Variants in LINGO1 observed in about 807,000 individuals in gnomAD.
The protein encoded by LINGO1 is leucine rich repeat and Ig domain containing 1.
LINGO1 carries 11 observed loss-of-function variants against 37.3 expected under a neutral mutation model. The observed-to-expected ratio is 0.29, with a 90% confidence interval of 0.19 to 0.49. LINGO1 has a LOEUF of 0.49. LINGO1 is among the 20% of genes least tolerant of loss of function. The pLI is 0.99. For synonymous variants in LINGO1, 387 were observed against 403.0 expected (o/e 0.96, Z 0.48); for missense variants, 585 against 878.2 (o/e 0.67, Z 4.22).
chr15:77,629,907 C>G (rs545960641), intron 1 of LINGO1, among the ~76,000 whole-genome samples: 19 of 152,012 alleles, frequency 1.2e-4, no homozygotes, highest in African/African-American at 3.6e-4. Context: ...TGACTTGAAG[C>G]AGGCAGAGAG....
chr15:77,628,926 C>T (rs1178721413), intron 1 of LINGO1, among the ~76,000 whole-genome samples: 1 of 152,204 alleles, frequency 6.6e-6, no homozygotes, highest in Non-Finnish European at 1.5e-5. Flanking sequence ...AGATCATGAG[C>T]ATATCACTGA....
At chr15:77,728,059 A>G (rs1020077857) in intron 2 of LINGO1, among the ~76,000 whole-genome samples, 11 of 152,340 alleles carry the variant, frequency 7.2e-5, no homozygotes, top group African/African-American at 2.6e-4. Flanking sequence ...CCCTCTTACC[A>G]GGCCTCTTCA....
At chr15:77,794,744 C>T (rs993407607) in intron 2 of LINGO1, among the ~76,000 whole-genome samples, 2 of 151,658 alleles carry the variant, frequency 1.3e-5, no homozygotes, top group Non-Finnish European at 2.9e-5. Context: ...CCCGCCACCA[C>T]GCCCTGCTAA....
intron 1 of LINGO1, among the ~76,000 whole-genome samples, chr15:77,751,786 C>T (rs1310983099): frequency 6.6e-6 from 1 of 152,230 alleles, no homozygotes; most frequent in Non-Finnish European, 1.5e-5. Flanking sequence ...TCTCACCCTT[C>T]TACGGGCTCA....
chr15:77,777,351 A>T (rs2076667618), intron 1 of LINGO1, among the ~76,000 whole-genome samples: 1 of 139,592 alleles, frequency 7.2e-6, no homozygotes, highest in African/African-American at 2.6e-5. Context: ...ATACACACAC[A>T]CACACACGCA....
In LINGO1 at chr15:77,615,851, A is replaced by G; in HGVS notation, c.56T>C (p.Leu19Pro). ...GAGGATGGGCTGCCAGCAGGCCAGG[A>G]GGGGGCTGGGCATGCTCCTCACGCC... ...AGGVRSMPSP[L>P]LACWQPILLL... The change falls in exon 2 of 2, where the codon CTC (leucine) becomes CCC (proline). Residue 19 changes from leucine (L) to proline (P), a missense_variant. Transcript: ENST00000355300. The G allele has an allele frequency of 6.7e-7, 1 of 1,497,516 alleles. No individual in the cohort carries two copies. Among genetic ancestry groups the G allele is most frequent in the Non-Finnish European group, 8.8e-7 (1 of 1,130,326 alleles). The allele number at this position is 1,497,516 out of a possible 1,614,324, so 92.8% of individuals were successfully genotyped here. A position where few individuals can be genotyped will look rare whatever the true frequency, so the allele number is the denominator to read the frequency against.
intron 2 of LINGO1, among the ~76,000 whole-genome samples, chr15:77,794,590 A>ATTT (rs370121489): frequency 3.2e-5 from 3 of 93,504 alleles, no homozygotes; most frequent in East Asian, 3.0e-4. Context: ...ATATATATAT[A>ATTT]TTTTTTTTTT....
chr15:77,711,985 T>C (rs1243064605), intron 2 of LINGO1, among the ~76,000 whole-genome samples: 1 of 152,146 alleles, frequency 6.6e-6, no homozygotes, highest in Non-Finnish European at 1.5e-5. Context: ...CAGGTCCAGA[T>C]TCCTCCCATC....
chr15:77,754,814 A>C (rs1374694620), intron 1 of LINGO1, among the ~76,000 whole-genome samples: 3 of 152,246 alleles, frequency 2.0e-5, no homozygotes, highest in African/African-American at 4.8e-5. Flanking sequence ...TCCGGTAGGC[A>C]GAAGATGGCC....
chr15:77,776,467 AGGAAGGCAGGAAG>A (rs2076644277), intron 1 of LINGO1, among the ~76,000 whole-genome samples: 1 of 134,516 alleles, frequency 7.4e-6, no homozygotes, highest in African/African-American at 3.0e-5. Context: ...GCAGGAAGGC[AGGAAGGCAGGAAG>A]GCAGGAAAGC....
chr15:77,739,695 C>T (rs560731327), intron 1 of LINGO1, among the ~76,000 whole-genome samples: 4 of 152,348 alleles, frequency 2.6e-5, no homozygotes, highest in Middle Eastern at 3.4e-3. Flanking sequence ...TTGGCTCAGT[C>T]CACCTGTTCT....
intron 1 of LINGO1, among the ~76,000 whole-genome samples, chr15:77,627,937 C>T (rs542827060): frequency 1.4e-4 from 21 of 152,320 alleles, no homozygotes; most frequent in African/African-American, 4.6e-4. Flanking sequence ...ACACTGGCTG[C>T]TGCCCATCTC....
intron 1 of LINGO1, among the ~76,000 whole-genome samples, chr15:77,622,582 A>C (rs547924361): frequency 6.6e-6 from 1 of 152,342 alleles, no homozygotes; most frequent in African/African-American, 2.4e-5. Context: ...CCTCTCCCCA[A>C]GTCCCTGCCT....
rs1386445937 is a variant in LINGO1 at position 77,704,411 on chromosome 15, A to G, written c.-194-13510T>C. ...CGACCCTGATCACAGATTGAACCCC[A>G]ACCCTGGCCACACACTGAATCCCGA... On this transcript the variant is annotated intron_variant, in intron 2 of 3. Transcript: ENST00000561686. 3.5e-4 allele frequency among the ~76,000 whole-genome samples: 52 copies of G among 149,368 alleles called. 2 individuals carry two copies. Among genetic ancestry groups the G allele is most frequent in the African/African-American group, 1.2e-3 (49 of 39,628 alleles).
At chr15:77,744,955 TAA>T (rs34589855) in intron 1 of LINGO1, among the ~76,000 whole-genome samples, 6 of 141,862 alleles carry the variant, frequency 4.2e-5, no homozygotes, top group Admixed American at 7.1e-5. Flanking sequence ...ATCTCTACTT[TAA>T]AAAAAAAAAA....
At chr15:77,679,843 G>T (rs1036574590) in intron 2 of LINGO1, among the ~76,000 whole-genome samples, 3 of 151,396 alleles carry the variant, frequency 2.0e-5, no homozygotes, top group Admixed American at 6.6e-5. Context: ...ATATTACATA[G>T]CCCATAGCAA....
At chr15:77,710,675 T>C (rs2075907677) in intron 2 of LINGO1, among the ~76,000 whole-genome samples, 1 of 152,154 alleles carries the variant, frequency 6.6e-6, no homozygotes, top group Non-Finnish European at 1.5e-5. Context: ...GGCTTTTGTT[T>C]CGCTGAAGAA....
intron 3 of LINGO1, among the ~76,000 whole-genome samples, chr15:77,641,092 A>C (rs972695249): frequency 6.6e-6 from 1 of 152,218 alleles, no homozygotes; most frequent in Non-Finnish European, 1.5e-5. Flanking sequence ...CTCCAGGCAG[A>C]ACAGCAGGTG....
chr15:77,635,732 A>ACC (rs1567476186), upstream of LINGO1, among the ~76,000 whole-genome samples: 50 of 152,170 alleles, frequency 3.3e-4, no homozygotes, highest in African/African-American at 1.2e-3. Context: ...CTCTCCCCAG[A>ACC]CTGAAATGAC....
Sources: gnomAD v4.1 joint callset for allele counts (sites outside exome capture counted in the v4.1 genomes callset) on GRCh38, gnomAD v4.1.1 for gene constraint, MANE v1.5 for transcripts, NCBI Gene and HGNC (gene_info 2026-07-23, HGNC 2026-07-21) for gene names.